HHLA1: variants seen among roughly 807,000 people sequenced by gnomAD.
The protein encoded by HHLA1 is HHLA1 neighbor of OC90, also known as HERV-H LTR-associating protein 1.
HHLA1 carries 72 observed loss-of-function variants against 69.9 expected under a neutral mutation model. The observed-to-expected ratio is 1.03, with a 90% CI of 0.85 to 1.25. HHLA1 has a LOEUF of 1.25. Ranked by LOEUF, HHLA1 falls within the 50% of genes most tolerant of loss-of-function variation. The pLI is 0.00. For synonymous variants in HHLA1, 252 were observed against 233.2 expected, an observed-to-expected ratio of 1.08 and a Z score of -0.73; for missense variants, 685 against 642.2, an observed-to-expected ratio of 1.07 and a Z score of -0.72.
In HHLA1 at chr8:132,095,804, A is replaced by G; in HGVS notation, c.281-18T>C. The G allele has an allele frequency of 1.3e-6, 2 of 1,511,206 alleles. No individual in the cohort carries two copies. The highest frequency in any genetic ancestry group is 1.7e-4 in the Middle Eastern group (1 of 5,850). 93.6% of individuals were successfully genotyped at this position (1,511,206 alleles called of 1,614,324 possible). A position where few individuals can be genotyped will look rare whatever the true frequency, so the allele number is the denominator to read the frequency against. ...CTTGCTATCTGCCAAAACATACCAG[A>G]TAAAGAGACAGACAGATGCCTACTA... On this transcript the variant is annotated intron_variant, in intron 5 of 16. Coordinates refer to ENST00000414222, the MANE Select transcript of HHLA1 (RefSeq NM_001145095.3).
At chr8:132,109,681 T>A (rs1586738310) in intron 1 of HHLA1, among the ~76,000 whole-genome samples, 1 of 152,344 alleles carries the variant, frequency 6.6e-6, no homozygotes, top group East Asian at 1.9e-4. Flanking sequence ...CCCAGTCACA[T>A]GATTTCTAAG....
chr8:132,065,768 A>G (rs1823426201), intron 16 of HHLA1, 118 bp downstream of exon 16: 2 of 416,026 alleles, frequency 4.8e-6, no homozygotes, highest in African/African-American at 4.2e-5. Context: ...TCCCAAATTA[A>G]TGAGGACTAG....
At chr8:132,066,421 G>A (rs1338974702) in intron 15 of HHLA1, among the ~76,000 whole-genome samples, 1 of 152,248 alleles carries the variant, frequency 6.6e-6, no homozygotes, top group Admixed American at 6.5e-5. Flanking sequence ...GGAGATGAGA[G>A]AGAGAGTGGA....
intron 15 of HHLA1, among the ~76,000 whole-genome samples, chr8:132,069,350 C>T (rs975454128): frequency 4.0e-5 from 6 of 151,896 alleles, no homozygotes; most frequent in South Asian, 2.1e-4. Context: ...AACTTTCCCA[C>T]CAGTGTTTTT....
intron 15 of HHLA1, among the ~76,000 whole-genome samples, chr8:132,067,286 T>C (rs980606404): frequency 3.3e-5 from 5 of 152,152 alleles, no homozygotes; most frequent in African/African-American, 1.2e-4. Flanking sequence ...CAATCTCCTC[T>C]CAGTATCTTC....
chr8:132,078,065 G>T (rs1764941193), intron 11 of HHLA1, 94 bp from the exon 12 acceptor site: 1 of 1,360,582 alleles, frequency 7.3e-7, no homozygotes, highest in Admixed American at 2.1e-5. Context: ...GTTATCAAAG[G>T]GCAAATGCAA....
chr8:132,070,751 C>G (rs1475520555), intron 15 of HHLA1, among the ~76,000 whole-genome samples: 1 of 151,972 alleles, frequency 6.6e-6, no homozygotes, highest in Non-Finnish European at 1.5e-5. Flanking sequence ...CTCAACTCAA[C>G]ACAACTCAAC....
intron 15 of HHLA1, among the ~76,000 whole-genome samples, chr8:132,067,123 C>T (rs1349381359): frequency 6.6e-6 from 1 of 152,158 alleles, no homozygotes; most frequent in Non-Finnish European, 1.5e-5. Context: ...GGGCAATGGC[C>T]TTGGTGGCAG....
In HHLA1 at chr8:132,065,916, G is replaced by C. The variant is rs1233623606; in HGVS notation, c.1522C>G (p.Gln508Glu). Residue 508 changes from glutamine (Q) to glutamate (E), a missense_variant, in exon 16 of 17, where the codon CAG becomes GAG. By Grantham distance (29) the Gln-to-Glu change is conservative. Coordinates refer to ENST00000414222, the MANE Select transcript of HHLA1 (RefSeq NM_001145095.3). ...GAGTGGGACACCCTTTTCACCCTCT[G>C]ACAGATATATGTTGCATTCTTCAGA... The part of the protein sequence containing the change: ...WFLKNATYIC[Q>E]RVKRVSHSHT... The C allele has an allele frequency of 3.1e-6, 4 of 1,303,018 alleles. No individual in the cohort carries two copies. The highest frequency in any genetic ancestry group is 4.1e-6 in the Non-Finnish European group (4 of 986,780). The allele number at this position is 1,303,018 out of a possible 1,614,324, so 80.7% of individuals were successfully genotyped here.
chr8:132,105,171 C>A lies in HHLA1; in HGVS notation c.79+16G>T, dbSNP rs201199760. On this transcript the variant is annotated intron_variant, in intron 2 of 16. Transcript: ENST00000414222. ...TTATACAGAACAGACACTTGCAGAA[C>A]TCCAGCTAGACCCACCTGTGTTCCA... The A allele has an allele frequency of 2.1e-5, 32 of 1,543,392 alleles. No individual in the cohort carries two copies. The highest frequency in any genetic ancestry group is 1.7e-4 in the Middle Eastern group (1 of 6,008).
rs2130894936 is a variant in HHLA1 at position 132,095,563 on chromosome 8, G to A, written c.404C>T (p.Thr135Ile). ...LKTVDPAKFPTRYCYCLNNRT... is the reference protein window; with the variant it reads ...LKTVDPAKFPIRYCYCLNNRT... ...ATTGTTTAAACAGTAGCAATACCTT[G>A]TGGGGAATTTGGCGGGGTCTACTGT... is the stretch of plus-strand genomic sequence containing the variant. Residue 135 changes from threonine to isoleucine, a missense_variant, in exon 7 of 17, where the codon ACA becomes ATA. Transcript: ENST00000414222. 6.4e-7 allele frequency: 1 copy of A among 1,550,430 alleles called. No individual in the cohort carries two copies. The highest frequency in any genetic ancestry group is 8.7e-7 in the Non-Finnish European group (1 of 1,145,702).
chr8:132,079,736 G>A lies in HHLA1; in HGVS notation c.907C>T (p.His303Tyr). 1 of 1,550,618 alleles carries A rather than the reference G, an allele frequency of 6.4e-7. No individual in the cohort carries two copies. The highest frequency in any genetic ancestry group is 8.7e-7 in the Non-Finnish European group (1 of 1,146,476). Residue 303 changes from histidine to tyrosine, a missense_variant, in exon 11 of 17, where the codon CAC (histidine) becomes TAC (tyrosine). Coordinates refer to ENST00000414222, the MANE Select transcript of HHLA1 (RefSeq NM_001145095.3). ...RATATWFSAS[H>Y]TLPALATRRV... ...ATCTTACCCAAGGCTGGGAGAGTGT[G>A]GGAGGCACTGAACCATGTGGCTGTG...
At chr8:132,069,355 G>T (rs757201387) in intron 15 of HHLA1, among the ~76,000 whole-genome samples, 5 of 151,606 alleles carry the variant, frequency 3.3e-5, no homozygotes, top group Non-Finnish European at 4.4e-5. Flanking sequence ...TCCCACCAGT[G>T]TTTTTTTTGT....
At position 132,065,241 on chromosome 8, in the gene HHLA1, C is replaced by A. The variant is rs577267435; in HGVS notation, c.1552+645G>T. On this transcript the variant is annotated intron_variant, in intron 16 of 16. Transcript: ENST00000414222. ...TAGTACTTCACGGTGCCTTCTTTTG[C>A]ATGAATTATTTGTTTGCATTTTTCC... Among the ~76,000 whole-genome samples, 4 of 152,282 alleles carry A rather than the reference C, an allele frequency of 2.6e-5. 1 individual carries two copies. In the South Asian group the frequency reaches 8.3e-4, roughly 32 times the overall value.
At chr8:132,078,208 ACAC>A (rs1554616699) in intron 11 of HHLA1, among the ~76,000 whole-genome samples, 2 of 141,828 alleles carry the variant, frequency 1.4e-5, no homozygotes, top group African/African-American at 2.8e-5. Flanking sequence ...ACACACACAC[ACAC>A]AACCTCTAAA....
intron 13 of HHLA1, 33 bp from the exon 14 acceptor site, chr8:132,076,162 AGAATG>A: frequency 6.9e-7 from 1 of 1,457,202 alleles, no homozygotes; most frequent in Non-Finnish European, 9.4e-7. Flanking sequence ...TCCAGAAGTC[AGAATG>A]GAATTACCTT....
At chr8:132,091,378 T>C (rs1234219154) in intron 7 of HHLA1, among the ~76,000 whole-genome samples, 1 of 152,210 alleles carries the variant, frequency 6.6e-6, no homozygotes, top group Non-Finnish European at 1.5e-5. Flanking sequence ...AGAAAGATGA[T>C]GTAACTTGTC....
At chr8:132,078,904 TTTTG>T (rs141517904) in intron 11 of HHLA1, among the ~76,000 whole-genome samples, 2,135 of 152,206 alleles carry the variant, frequency 0.014, 55 homozygotes, top group African/African-American at 0.047. Flanking sequence ...ATTGACTCTT[TTTTG>T]TTTGTTTGTT....
At chr8:132,110,300 C>T (rs1026796039) in intron 1 of HHLA1, among the ~76,000 whole-genome samples, 2 of 152,090 alleles carry the variant, frequency 1.3e-5, no homozygotes, top group African/African-American at 4.8e-5. Context: ...ATCAGCTCTC[C>T]CTCCTTGAAG....
Sources: gnomAD v4.1 joint callset for allele counts (sites outside exome capture counted in the v4.1 genomes callset) on GRCh38, gnomAD v4.1.1 for gene constraint, MANE v1.5 for transcripts, NCBI Gene and HGNC (gene_info 2026-07-23, HGNC 2026-07-21) for gene names.